Variants in ATG7 observed in about 807,000 individuals in gnomAD.
The protein encoded by ATG7 is autophagy related 7, also known as ubiquitin-like modifier-activating enzyme ATG7.
In ATG7, 70 loss-of-function variants were observed where a neutral mutation model predicts 82.4. The ratio of observed to expected loss-of-function variants is 0.85; its 90% CI spans 0.70 to 1.04. The LOEUF is 1.04. ATG7 is among the 50% of genes least tolerant of loss of function. ATG7 has a pLI of 0.00. For synonymous variants in ATG7, 287 were observed against 313.0 expected, an observed-to-expected ratio of 0.92 and a Z score of 0.88; for missense variants, 792 against 864.3, an observed-to-expected ratio of 0.92 and a Z score of 1.05.
At chr3:11,558,654 C>G, downstream of ATG7, 1 of 1,612,328 alleles carries the variant, frequency 6.2e-7, no homozygotes, top group Non-Finnish European at 8.5e-7. Context: ...CTGCTGGATG[C>G]TCCGTCCTTG....
chr3:11,534,897 G>A (rs1454678000), intron 20 of ATG7, among the ~76,000 whole-genome samples: 3 of 152,240 alleles, frequency 2.0e-5, no homozygotes, highest in Admixed American at 6.5e-5. Flanking sequence ...CCACGTAGGC[G>A]CAGCCCTGCT....
the ATG7 span, chr3:11,564,910 T>C: frequency 2.1e-5 from 33 of 1,600,060 alleles, no homozygotes; most frequent in Admixed American, 2.7e-4. Context: ...GGGAGGGAGG[T>C]GTACAGGTGG....
chr3:11,340,788 C>T (rs150839259), intron 12 of ATG7, 53 bp downstream of exon 12: 201 of 1,510,562 alleles, frequency 1.3e-4, no homozygotes, highest in South Asian at 9.5e-4. Flanking sequence ...CCAAGACACA[C>T]ACCAAGTTCT....
chr3:11,497,663 A>G (rs2090961983), intron 20 of ATG7, among the ~76,000 whole-genome samples: 1 of 151,708 alleles, frequency 6.6e-6, no homozygotes, highest in Admixed American at 6.6e-5. Flanking sequence ...CCCTCGAGAT[A>G]CAAAGCAGAT....
At chr3:11,373,147 G>A (rs2077153163) in intron 18 of ATG7, among the ~76,000 whole-genome samples, 1 of 150,464 alleles carries the variant, frequency 6.6e-6, no homozygotes, top group Non-Finnish European at 1.5e-5. Context: ...TTGAGAGTAA[G>A]CTGTGTGAGA....
At chr3:11,472,755 G>A (rs1205566430) in intron 20 of ATG7, among the ~76,000 whole-genome samples, 1 of 152,168 alleles carries the variant, frequency 6.6e-6, no homozygotes, top group East Asian at 1.9e-4. Flanking sequence ...TTCAACTGCT[G>A]TCTTTGACTT....
chr3:11,490,016 A>T (rs928449671), intron 20 of ATG7, among the ~76,000 whole-genome samples: 13 of 151,996 alleles, frequency 8.6e-5, no homozygotes, highest in African/African-American at 2.9e-4. Flanking sequence ...AGCTGAGTTC[A>T]ATTCCTGGGT....
intron 18 of ATG7, among the ~76,000 whole-genome samples, chr3:11,365,831 T>G (rs1383784619): frequency 6.6e-6 from 1 of 152,186 alleles, no homozygotes; most frequent in Non-Finnish European, 1.5e-5. Context: ...AAATGTTCTT[T>G]CAAAGGTCTT....
intron 20 of ATG7, among the ~76,000 whole-genome samples, chr3:11,518,235 G>C (rs1460583400): frequency 1.5e-5 from 2 of 130,724 alleles, no homozygotes; most frequent in African/African-American, 5.4e-5. Context: ...GAATGCCAAG[G>C]TCAAGACTGT....
At chr3:11,432,722 G>T (rs1422826399) in intron 20 of ATG7, among the ~76,000 whole-genome samples, 5 of 152,116 alleles carry the variant, frequency 3.3e-5, no homozygotes, top group South Asian at 2.1e-4. Context: ...GCTCATGGGG[G>T]ATTAGGAGGT....
intron 20 of ATG7, among the ~76,000 whole-genome samples, chr3:11,503,627 G>A (rs984026815): frequency 1.3e-5 from 2 of 151,438 alleles, no homozygotes; most frequent in Admixed American, 1.3e-4. Context: ...ATGGTGGCGC[G>A]TGCCTGTAAT....
chr3:11,309,040 G>T lies in ATG7; in HGVS notation c.390G>T (p.Lys130Asn). The change falls in exon 7 of 21, where the codon AAG becomes AAT. Residue 130 changes from lysine to asparagine, a missense_variant. Coordinates refer to ENST00000693202, the MANE Select transcript of ATG7 (RefSeq NM_001349232.2). ...TTGAAAACCCTGTACTCCTCAACAA[G>T]TTCCTCCTCTTGACATTTGCAGTAA... is the stretch of plus-strand genomic sequence containing the variant. Reference protein sequence around the residue: ...TALENPVLLNKFLLLTFADLK... With the variant: ...TALENPVLLNNFLLLTFADLK... The T allele has an allele frequency of 6.2e-7, 1 of 1,613,968 alleles. No homozygotes were observed. The highest frequency in any genetic ancestry group is 8.5e-7 in the Non-Finnish European group (1 of 1,179,826).
At chr3:11,558,899 TC>T, downstream of ATG7, 2 of 1,547,254 alleles carry the variant, frequency 1.3e-6, no homozygotes, top group South Asian at 1.2e-5. Flanking sequence ...TGCAGCACCC[TC>T]CCTCAGGCAG....
chr3:11,570,524 C>T, the ATG7 span, among the ~76,000 whole-genome samples: 1 of 152,180 alleles, frequency 6.6e-6, no homozygotes, highest in Non-Finnish European at 1.5e-5. Context: ...ATCTCCTTGG[C>T]TCCGCACGGG....
At chr3:11,410,651 T>C (rs1346720710) in intron 19 of ATG7, among the ~76,000 whole-genome samples, 1 of 152,222 alleles carries the variant, frequency 6.6e-6, no homozygotes, top group Non-Finnish European at 1.5e-5. Flanking sequence ...AGTAGAGTCA[T>C]ACATTATTTG....
Position 11,392,806 on chromosome 3 carries a change from TTTTG to T in ATG7, c.1956+12763_1956+12766del, listed in dbSNP as rs1189518696. ...TTTGTGGCTCCTAATGGTGCAAGTT[TTTTG>T]TTTGTTTGGTAGAAACTGGTAACGT... On this transcript the variant is annotated intron_variant, in intron 19 of 20. Transcript: ENST00000693202. 3.3e-5 allele frequency among the ~76,000 whole-genome samples: 5 copies of T among 152,182 alleles called. No individual in the cohort carries two copies. The South Asian group carries it at 6.2e-4, about 19-fold the overall frequency.
At chr3:11,307,135 A>G in intron 6 of ATG7, 75 bp downstream of exon 6, 1 of 1,358,840 alleles carries the variant, frequency 7.4e-7, no homozygotes, top group Non-Finnish European at 1.0e-6. Context: ...GATCAGGCAC[A>G]TGGGTCTGCT....
At chr3:11,425,097 G>A (rs1485882938) in intron 19 of ATG7, among the ~76,000 whole-genome samples, 1 of 152,106 alleles carries the variant, frequency 6.6e-6, no homozygotes, top group Admixed American at 6.6e-5. Context: ...CAAGTAGCTG[G>A]AATTACAGGT....
chr3:11,294,584 A>T (rs1284266375), intron 3 of ATG7, among the ~76,000 whole-genome samples: 1 of 152,166 alleles, frequency 6.6e-6, no homozygotes, highest in Admixed American at 6.5e-5. Flanking sequence ...AAAAGCCAAA[A>T]AATATTTAAT....
Sources: allele counts gnomAD v4.1 joint callset (sites outside exome capture counted in the v4.1 genomes callset), GRCh38; gene constraint gnomAD v4.1.1; transcripts MANE v1.5; gene names NCBI Gene and HGNC (gene_info 2026-07-23, HGNC 2026-07-21).